Variants in ABCB1 observed in about 807,000 individuals in gnomAD.
ABCB1 encodes the protein ATP-dependent translocase ABCB1.
In ABCB1, 69 loss-of-function variants were observed where a neutral mutation model predicts 142.0. The observed-to-expected ratio is 0.49, with a 90% CI of 0.40 to 0.59. ABCB1 has a LOEUF of 0.59. Ranked by LOEUF, ABCB1 falls within the 20% of genes least tolerant of loss-of-function variation. The pLI is 0.00. For synonymous variants in ABCB1, 532 were observed against 539.2 expected (o/e 0.99, Z 0.18); for missense variants, 1,326 against 1,554.7 (o/e 0.85, Z 2.47).
intron 20 of ABCB1, among the ~76,000 whole-genome samples, chr7:87,535,629 G>A (rs949627260): frequency 1.3e-5 from 2 of 152,158 alleles, no homozygotes. Context: ...TAGAAAAAGA[G>A]GGACTCCTAA....
At position 87,628,603 on chromosome 7, in the gene ABCB1, G is replaced by A; in HGVS notation, c.-330-27525C>T. On this transcript the variant is annotated intron_variant, in intron 1 of 28. Transcript: ENST00000265724. Reference sequence around the variant, plus strand: ...TGCGTGCGTGTGTGTGTGTGTGTGTGTGTGTGTGTGTGTGTGTGTGTGGAG... The same window carrying A: ...TGCGTGCGTGTGTGTGTGTGTGTGTATGTGTGTGTGTGTGTGTGTGTGGAG... 3 of 359,988 alleles carry A rather than the reference G, an allele frequency of 8.3e-6. No individual in the cohort carries two copies. The East Asian group carries it at 1.2e-4, about 14-fold the overall frequency. 22.3% of individuals were successfully genotyped at this position (359,988 alleles called of 1,614,324 possible).
At chr7:87,653,229 G>A (rs550252670) in intron 1 of ABCB1, among the ~76,000 whole-genome samples, 13 of 152,056 alleles carry the variant, frequency 8.5e-5, no homozygotes, top group African/African-American at 4.8e-5. Context: ...AGTAATTTTT[G>A]AACTTTTATT....
At chr7:87,554,901 AC>A (rs1817244615) in intron 8 of ABCB1, among the ~76,000 whole-genome samples, 2 of 152,238 alleles carry the variant, frequency 1.3e-5, no homozygotes, top group African/African-American at 4.8e-5. Flanking sequence ...AGGAAATTGT[AC>A]AAAAGGGGCA....
intron 1 of ABCB1, among the ~76,000 whole-genome samples, chr7:87,688,179 C>T (rs1827659203): frequency 6.6e-6 from 1 of 152,040 alleles, no homozygotes. Context: ...TATTGTATCT[C>T]AGAAAATCAT....
intron 3 of ABCB1, among the ~76,000 whole-genome samples, chr7:87,594,921 C>T (rs1217650226): frequency 6.6e-6 from 1 of 152,154 alleles, no homozygotes; most frequent in Non-Finnish European, 1.5e-5. Flanking sequence ...AATTATAAAG[C>T]ATGTGCTGTT....
chr7:87,517,893 T>A (rs1307189825), intron 23 of ABCB1, among the ~76,000 whole-genome samples: 3 of 152,226 alleles, frequency 2.0e-5, no homozygotes, highest in African/African-American at 7.2e-5. Context: ...AGTAGCATGT[T>A]TGATTGTCTA....
chr7:87,685,899 G>A (rs1827410241), intron 1 of ABCB1, among the ~76,000 whole-genome samples: 1 of 152,212 alleles, frequency 6.6e-6, no homozygotes, highest in South Asian at 2.1e-4. Flanking sequence ...TAATATGTAA[G>A]ATTCTAACTC....
chr7:87,539,320 T>A lies in ABCB1; in HGVS notation c.2345A>T (p.Glu782Val). 1 of 1,614,142 alleles carries A rather than the reference T, an allele frequency of 6.2e-7. No individual in the cohort carries two copies. Among genetic ancestry groups the A allele is most frequent in the African/African-American group, 1.3e-5 (1 of 75,046 alleles). The change falls in exon 19 of 28, where the codon GAG becomes GTG. Residue 782 changes from glutamate to valine, a missense_variant. Physicochemically the swap from Glu to Val is moderately radical, Grantham distance 121. Coordinates refer to ENST00000622132, the MANE Select transcript of ABCB1 (RefSeq NM_001348946.2). ...LQGFTFGKAGEILTKRLRYMV... is the reference protein window; with the variant it reads ...LQGFTFGKAGVILTKRLRYMV... ...GTATCGGAGCCGCTTGGTGAGGATC[T>A]CTCCAGCTTTGCCAAATGTGAAACC...
chr7:87,649,439 A>G (rs1179082649), intron 1 of ABCB1, among the ~76,000 whole-genome samples: 1 of 152,172 alleles, frequency 6.6e-6, no homozygotes, highest in Non-Finnish European at 1.5e-5. Flanking sequence ...TTGAAAACAC[A>G]AATGGTAGCA....
At chr7:87,671,997 C>T (rs546338343) in intron 1 of ABCB1, among the ~76,000 whole-genome samples, 4 of 152,252 alleles carry the variant, frequency 2.6e-5, no homozygotes, top group African/African-American at 7.2e-5. Flanking sequence ...GCAGTTTGGC[C>T]GCATTTTGGT....
chr7:87,630,019 A>G (rs560679418), intron 1 of ABCB1, among the ~76,000 whole-genome samples: 1 of 152,264 alleles, frequency 6.6e-6, no homozygotes, highest in Admixed American at 6.5e-5. Context: ...ATATCTGAGT[A>G]TTAAGAAAAA....
intron 18 of ABCB1, 66 bp from the exon 19 acceptor site, chr7:87,539,411 T>C (rs1018278230): frequency 1.0e-5 from 15 of 1,488,722 alleles, no homozygotes; most frequent in African/African-American, 1.4e-5. Context: ...GGAGAATTGA[T>C]GTCTTTGCTA....
At chr7:87,532,269 G>A (rs560147359) in intron 20 of ABCB1, among the ~76,000 whole-genome samples, 12 of 152,124 alleles carry the variant, frequency 7.9e-5, no homozygotes, top group Non-Finnish European at 1.3e-4. Context: ...GCCTGCCCTG[G>A]CCCCAGACCT....
intron 7 of ABCB1, among the ~76,000 whole-genome samples, chr7:87,562,833 C>G (rs1425043557): frequency 6.6e-6 from 1 of 151,036 alleles, no homozygotes. Flanking sequence ...GGTGTGATGA[C>G]TCACACCTAT....
intron 1 of ABCB1, among the ~76,000 whole-genome samples, chr7:87,635,303 T>A (rs1187323443): frequency 6.6e-6 from 1 of 152,208 alleles, no homozygotes; most frequent in Non-Finnish European, 1.5e-5. Flanking sequence ...GCACTGAAGG[T>A]CATCATAAGA....
rs1584840713 is a variant in ABCB1, at chr7:87,519,537, T to C, written c.2787-71A>G. The stretch of plus-strand genomic sequence containing the variant: ...TCCTTAAAATGTAACTTTTGATAGG[T>C]TGGCAGTAGGGCACAGAGGCATGAC... On this transcript the variant is annotated intron_variant, in intron 22 of 27. Coordinates refer to ENST00000622132, the MANE Select transcript of ABCB1 (RefSeq NM_001348946.2). 1.2e-5 allele frequency: 19 copies of C among 1,596,152 alleles called. No individual in the cohort carries two copies. The East Asian group carries it at 3.4e-4, about 28-fold the overall frequency.
chr7:87,586,579 T>C (rs988239909), intron 3 of ABCB1, among the ~76,000 whole-genome samples: 4 of 152,102 alleles, frequency 2.6e-5, no homozygotes, highest in Non-Finnish European at 5.9e-5. Context: ...AGGTTTGTAA[T>C]GCAGGGAGGA....
chr7:87,637,501 T>G (rs1293125565), intron 1 of ABCB1, among the ~76,000 whole-genome samples: 2 of 152,178 alleles, frequency 1.3e-5, no homozygotes, highest in African/African-American at 2.4e-5. Flanking sequence ...AAATCAGTTT[T>G]GGGAAAACTG....
At chr7:87,596,956 C>T (rs1314622163) in intron 2 of ABCB1, among the ~76,000 whole-genome samples, 6 of 152,030 alleles carry the variant, frequency 3.9e-5, no homozygotes, top group Non-Finnish European at 8.8e-5. Flanking sequence ...TTCTCTAAAA[C>T]AGCTGCTACT....
Sources: gnomAD v4.1 joint callset for allele counts (sites outside exome capture counted in the v4.1 genomes callset) on GRCh38, gnomAD v4.1.1 for gene constraint, MANE v1.5 for transcripts, NCBI Gene and HGNC (gene_info 2026-07-23, HGNC 2026-07-21) for gene names.